HSBP1: variants seen among roughly 807,000 people sequenced by gnomAD.
HSBP1 encodes heat shock factor-binding protein 1.
In HSBP1, 5 loss-of-function variants were observed where a neutral mutation model predicts 9.6. The ratio of observed to expected loss-of-function variants is 0.52; its 90% CI spans 0.27 to 1.09. The LOEUF (loss-of-function observed/expected upper bound fraction) is 1.09, where lower values mean the gene tolerates loss of function less well. Ranked by LOEUF, HSBP1 falls within the 50% of genes least tolerant of loss-of-function variation. The pLI is 0.11. For missense variants in HSBP1, 121 were observed against 96.3 expected, an observed-to-expected ratio of 1.26 and a Z score of -1.07; for synonymous variants, 42 against 33.3, an observed-to-expected ratio of 1.26 and a Z score of -0.90.
chr16:83,817,480 T>C lies in HSBP1; in HGVS notation c.*6062T>C, dbSNP rs542185411. 6.6e-6 allele frequency: 1 copy of C among 152,356 alleles called. No homozygotes were observed. The highest frequency in any genetic ancestry group is 2.1e-4 in the South Asian group (1 of 4,830). The allele number at this position is 152,356 out of a possible 1,614,324, so 9.4% of individuals were successfully genotyped here. A position where few individuals can be genotyped will look rare whatever the true frequency, so the allele number is the denominator to read the frequency against. ...AGCTGCTTTCACCTGTATCATCTCA[T>C]TCACTGCTCAGAGGCTCTCGAAAGC... On this transcript the variant is annotated 3_prime_UTR_variant, in exon 4 of 4. Transcript: ENST00000433866.
intron 2 of HSBP1, 120 bp downstream of exon 2, chr16:83,808,866 C>A: frequency 1.3e-6 from 1 of 746,808 alleles, no homozygotes; most frequent in Non-Finnish European, 2.2e-6. Flanking sequence ...AGAATTTGAG[C>A]TTGGATTGTA....
At position 83,808,703 on chromosome 16, in the gene HSBP1, G is replaced by T; in HGVS notation, c.69G>T (p.Met23Ile). The T allele has an allele frequency of 6.2e-7, 1 of 1,612,864 alleles. No individual in the cohort carries two copies. Among genetic ancestry groups the T allele is most frequent in the Non-Finnish European group, 8.5e-7 (1 of 1,179,048 alleles). Residue 23 changes from methionine (M) to isoleucine (I), a missense_variant, in exon 2 of 4, where the codon ATG (methionine) becomes ATT (isoleucine). By Grantham distance (10) the Met-to-Ile change is conservative. Coordinates refer to ENST00000433866, the MANE Select transcript of HSBP1 (RefSeq NM_001537.4). Reference sequence around the variant, plus strand: ...AGGTGCAGACACTCCTGCAGCAGATGCAAGATAAATTTCAGACCATGTCTG... The same window carrying T: ...AGGTGCAGACACTCCTGCAGCAGATTCAAGATAAATTTCAGACCATGTCTG... ...TSVVQTLLQQ[M>I]QDKFQTMSDQ...
rs566519245 is a variant in HSBP1, at chr16:83,808,024, C to A, written c.-53C>A. On this transcript the variant is annotated 5_prime_UTR_variant, in exon 1 of 4. Transcript: ENST00000433866. ...GGCCCGGGGCGACTGAGCGGACAAACGGAAGTGTAGGTTACGGTCTGAGAC... is the reference window on the plus strand; with the variant it reads ...GGCCCGGGGCGACTGAGCGGACAAAAGGAAGTGTAGGTTACGGTCTGAGAC... 57 of 1,464,276 alleles carry A rather than the reference C, an allele frequency of 3.9e-5. No homozygotes were observed. Among genetic ancestry groups the A allele is most frequent in the Non-Finnish European group, 4.9e-5 (54 of 1,096,918 alleles). The allele number at this position is 1,464,276 out of a possible 1,614,324, so 90.7% of individuals were successfully genotyped here.
intron 1 of HSBP1, 118 bp downstream of exon 1, chr16:83,808,239 T>A (rs1027741480): frequency 1.2e-6 from 1 of 854,216 alleles, no homozygotes; most frequent in Admixed American, 3.5e-5. Context: ...AGGCCCCGTT[T>A]CTGGAAGCGT....
rs76751204 is a variant in HSBP1, at chr16:83,813,884, CTTT to C, written c.*2467_*2469del. 32,028 of 151,930 alleles carry C rather than the reference CTTT, an allele frequency of 0.21. 4,093 individuals are homozygous for C. Among genetic ancestry groups the C allele is most frequent in the Non-Finnish European group, 0.29 (19,565 of 67,894 alleles). 9.4% of individuals were successfully genotyped at this position (151,930 alleles called of 1,614,324 possible). ...AATCTTATTTTCATATCAATTTTTT[CTTT>C]GTTTCACTACAAGTACAGTCATTGT... On this transcript the variant is annotated 3_prime_UTR_variant, in exon 4 of 4. Transcript: ENST00000433866.
At chr16:83,809,930 A>C (rs1904562261) in intron 3 of HSBP1, among the ~76,000 whole-genome samples, 1 of 152,150 alleles carries the variant, frequency 6.6e-6, no homozygotes, top group Non-Finnish European at 1.5e-5. Context: ...TGCCAAACTC[A>C]TTCTTTACAC....
In HSBP1 at chr16:83,809,285, G is replaced by A. The variant is rs750627383; in HGVS notation, c.113-20G>A. On this transcript the variant is annotated intron_variant, in intron 2 of 3. Transcript: ENST00000433866. ...AAGGCTCAATGAGATGTTGGCACGCGTTGTCTTTAACTTCAGCACTTGATG... is the reference window on the plus strand; with the variant it reads ...AAGGCTCAATGAGATGTTGGCACGCATTGTCTTTAACTTCAGCACTTGATG... 2.7e-6 allele frequency: 4 copies of A among 1,466,594 alleles called. No individual in the cohort carries two copies. The South Asian group carries it at 3.6e-5, about 13-fold the overall frequency. The allele number at this position is 1,466,594 out of a possible 1,614,324, so 90.8% of individuals were successfully genotyped here.
In HSBP1 at chr16:83,819,329, A is replaced by T. The variant is rs1173064128; in HGVS notation, c.*7911A>T. On this transcript the variant is annotated 3_prime_UTR_variant, in exon 4 of 4. Transcript: ENST00000433866. ...CATACACAAAAACACTGCGTAGAGA[A>T]ATGGGAGTGTGGGCGATGCTCCCAT... is the stretch of plus-strand genomic sequence containing the variant. 2.6e-5 allele frequency: 4 copies of T among 152,162 alleles called. No individual in the cohort carries two copies. The highest frequency in any genetic ancestry group is 9.7e-5 in the African/African-American group (4 of 41,432). 9.4% of individuals were successfully genotyped at this position (152,162 alleles called of 1,614,324 possible).
At chr16:83,808,535 G>C in intron 1 of HSBP1, 145 bp from the exon 2 acceptor site, 1 of 625,848 alleles carries the variant, frequency 1.6e-6, no homozygotes, top group Non-Finnish European at 2.8e-6. Flanking sequence ...CGGAAGCCCA[G>C]AGAAGGAAGA....
At position 83,817,765 on chromosome 16, in the gene HSBP1, T is replaced by G. The variant is rs1567609918; in HGVS notation, c.*6347T>G. The G allele has an allele frequency of 6.6e-6, 1 of 152,226 alleles. No homozygotes were observed. The highest frequency in any genetic ancestry group is 1.5e-5 in the Non-Finnish European group (1 of 68,038). 9.4% of individuals were successfully genotyped at this position (152,226 alleles called of 1,614,324 possible). A position where few individuals can be genotyped will look rare whatever the true frequency, so the allele number is the denominator to read the frequency against. On this transcript the variant is annotated 3_prime_UTR_variant, in exon 4 of 4. Coordinates refer to ENST00000433866, the MANE Select transcript of HSBP1 (RefSeq NM_001537.4). ...GAGCCATTTCTGGAAATGTAAATAA[T>G]ATGGCTGTTTCTTTTAACAGTGCAT...
At position 83,809,311 on chromosome 16, in the gene HSBP1, A is replaced by G; in HGVS notation, c.119A>G (p.Asp40Gly). Residue 40 changes from aspartate to glycine, a missense_variant, in exon 3 of 4, where the codon GAT becomes GGT. Asp to Gly is a moderately conservative substitution (Grantham distance 94). Coordinates refer to ENST00000433866, the MANE Select transcript of HSBP1 (RefSeq NM_001537.4). ...TTGTCTTTAACTTCAGCACTTGATG[A>G]TATGAGTAGTCGCATTGATGATCTG... ...MSDQIIGRID[D>G]MSSRIDDLEK... The G allele has an allele frequency of 6.3e-7, 1 of 1,583,616 alleles. No homozygotes were observed. Among genetic ancestry groups the G allele is most frequent in the Non-Finnish European group, 8.6e-7 (1 of 1,161,206 alleles).
intron 3 of HSBP1, among the ~76,000 whole-genome samples, chr16:83,810,457 C>G (rs1327573960): frequency 3.0e-5 from 4 of 134,778 alleles, no homozygotes; most frequent in Non-Finnish European, 6.1e-5. Flanking sequence ...CTGAGGGAGG[C>G]GGAGGTTGCA....
At position 83,809,278 on chromosome 16, in the gene HSBP1, G is replaced by A. The variant is rs988499448; in HGVS notation, c.113-27G>A. 4 of 1,378,388 alleles carry A rather than the reference G, an allele frequency of 2.9e-6. No homozygotes were observed. The Admixed American group carries it at 7.7e-5, about 27-fold the overall frequency. The allele number at this position is 1,378,388 out of a possible 1,614,324, so 85.4% of individuals were successfully genotyped here. A position where few individuals can be genotyped will look rare whatever the true frequency, so the allele number is the denominator to read the frequency against. On this transcript the variant is annotated intron_variant, in intron 2 of 3. Coordinates refer to ENST00000433866, the MANE Select transcript of HSBP1 (RefSeq NM_001537.4). ...GAGGAAAAAGGCTCAATGAGATGTT[G>A]GCACGCGTTGTCTTTAACTTCAGCA...
rs1904503443 is a variant in HSBP1 at position 83,808,140 on chromosome 16, G to A, written c.45+19G>A. 6.5e-7 allele frequency: 1 copy of A among 1,541,534 alleles called. No individual in the cohort carries two copies. The highest frequency in any genetic ancestry group is 2.0e-5 in the Admixed American group (1 of 50,314). ...CTCGGTGGTAAGGGACGGCTGTGAGGGCCGGAGGCCGCGGCCTTCCCGGGC... is the reference window on the plus strand; with the variant it reads ...CTCGGTGGTAAGGGACGGCTGTGAGAGCCGGAGGCCGCGGCCTTCCCGGGC... On this transcript the variant is annotated intron_variant, in intron 1 of 3. Transcript: ENST00000433866.
intron 3 of HSBP1, 42 bp from the exon 4 acceptor site, chr16:83,811,379 A>G (rs1055173743): frequency 1.3e-5 from 2 of 152,250 alleles, no homozygotes; most frequent in African/African-American, 4.8e-5. Flanking sequence ...ACTTGTGCTC[A>G]TATAATGAAA....
chr16:83,809,261 A>T (rs369931197), intron 2 of HSBP1, 44 bp from the exon 3 acceptor site: 34 of 1,225,400 alleles, frequency 2.8e-5, no homozygotes, highest in Non-Finnish European at 2.8e-5. Flanking sequence ...GGGAGGAAAA[A>T]GGCTCAATGA....
Position 83,809,362 on chromosome 16 carries a change from C to T in HSBP1, c.170C>T (p.Thr57Ile). Residue 57 changes from threonine (T) to isoleucine (I), a missense_variant, in exon 3 of 4, where the codon ACA becomes ATA. Thr to Ile is a moderately conservative substitution (Grantham distance 89). Coordinates refer to ENST00000433866, the MANE Select transcript of HSBP1 (RefSeq NM_001537.4). The stretch of plus-strand genomic sequence containing the variant: ...GAAAAGAATATCGCGGACCTCATGA[C>T]ACAGGCTGGGGTGGAAGAACTGGAA... The part of the protein sequence containing the change: ...DLEKNIADLM[T>I]QAGVEELESE... 6.2e-7 allele frequency: 1 copy of T among 1,604,658 alleles called. No individual in the cohort carries two copies.
Position 83,816,520 on chromosome 16 carries a change from GA to G in HSBP1, c.*5106del. ...TTCCCTTTTGTCTCCTAAGAGTGAAGAAAATGTTTCTTTGAAGGTGTTTCCA... is the reference window on the plus strand; with the variant it reads ...TTCCCTTTTGTCTCCTAAGAGTGAAGAAATGTTTCTTTGAAGGTGTTTCCA... On this transcript the variant is annotated 3_prime_UTR_variant, in exon 4 of 4. Coordinates refer to ENST00000433866, the MANE Select transcript of HSBP1 (RefSeq NM_001537.4). 6.6e-6 allele frequency: 1 copy of G among 152,312 alleles called. No individual in the cohort carries two copies. Among genetic ancestry groups the G allele is most frequent in the Admixed American group, 6.5e-5 (1 of 15,298 alleles). 9.4% of individuals were successfully genotyped at this position (152,312 alleles called of 1,614,324 possible).
rs1049931294 is a variant in HSBP1, at chr16:83,808,017, G to A, written c.-60G>A. On this transcript the variant is annotated 5_prime_UTR_variant, in exon 1 of 4. Coordinates refer to ENST00000433866, the MANE Select transcript of HSBP1 (RefSeq NM_001537.4). ...AAGCAGCGGCCCGGGGCGACTGAGC[G>A]GACAAACGGAAGTGTAGGTTACGGT... 2.2e-5 allele frequency: 31 copies of A among 1,439,476 alleles called. No individual in the cohort carries two copies. The highest frequency in any genetic ancestry group is 5.0e-5 in the Admixed American group (2 of 39,940). 89.2% of individuals were successfully genotyped at this position (1,439,476 alleles called of 1,614,324 possible).
Sources: allele counts gnomAD v4.1 joint callset (sites outside exome capture counted in the v4.1 genomes callset), GRCh38; gene constraint gnomAD v4.1.1; transcripts MANE v1.5; gene names NCBI Gene and HGNC (gene_info 2026-07-23, HGNC 2026-07-21).